CSMD2: variants seen among roughly 807,000 people sequenced by gnomAD.
The protein encoded by CSMD2 is CUB and sushi domain-containing protein 2.
CSMD2 carries 130 observed loss-of-function variants against 398.5 expected under a neutral mutation model. The observed-to-expected ratio is 0.33, with a 90% CI of 0.28 to 0.38. CSMD2 has a LOEUF of 0.38. Ranked by LOEUF, CSMD2 falls within the 10% of genes least tolerant of loss-of-function variation. The probability of loss-of-function intolerance (pLI) is 1.00; values close to 1 mark genes in which losing one functional copy is unlikely to be tolerated. For synonymous variants in CSMD2, 1,828 were observed against 1,908.5 expected (o/e 0.96, Z 1.10); for missense variants, 3,829 against 4,764.9 (o/e 0.80, Z 5.78).
chr1:33,906,384 C>T (rs1236934316), intron 5 of CSMD2, among the ~76,000 whole-genome samples: 7 of 152,288 alleles, frequency 4.6e-5, no homozygotes, highest in Admixed American at 3.9e-4. Context: ...TTAAGCCATT[C>T]TCGTAGCAGT....
At chr1:34,119,220 G>A (rs1301918954) in intron 1 of CSMD2, among the ~76,000 whole-genome samples, 1 of 152,092 alleles carries the variant, frequency 6.6e-6, no homozygotes, top group African/African-American at 2.4e-5. Flanking sequence ...ATATCTACAT[G>A]CAGAAGAATA....
At chr1:33,828,637 T>C (rs1570091) in intron 6 of CSMD2, among the ~76,000 whole-genome samples, 119,474 of 152,068 alleles carry the variant, frequency 0.79, 47,785 homozygotes, top group East Asian at 0.94. Flanking sequence ...GTGAGATATG[T>C]GTGGCCATGA....
intron 6 of CSMD2, among the ~76,000 whole-genome samples, chr1:33,844,259 T>G (rs562023458): frequency 1.3e-5 from 2 of 150,768 alleles, no homozygotes; most frequent in East Asian, 2.0e-4. Flanking sequence ...GTCTGGAGAC[T>G]TTTTTGGTTG....
chr1:33,823,839 C>A (rs1557953728), intron 7 of CSMD2, among the ~76,000 whole-genome samples: 1 of 152,188 alleles, frequency 6.6e-6, no homozygotes, highest in African/African-American at 2.4e-5. Flanking sequence ...CATTTGCATT[C>A]TTTCATTAGA....
Position 33,515,077 on chromosome 1 carries a change from G to A in CSMD2, c.*1547C>T, listed in dbSNP as rs1653651556. ...GAGGACAGAGAAAGTGGCCCTAAATGCTATACTTTGATTCCTAAACTCATG... is the reference window on the plus strand; with the variant it reads ...GAGGACAGAGAAAGTGGCCCTAAATACTATACTTTGATTCCTAAACTCATG... On this transcript the variant is annotated 3_prime_UTR_variant, in exon 71 of 71. Coordinates refer to ENST00000373381, the MANE Select transcript of CSMD2 (RefSeq NM_001281956.2). 1 of 152,218 alleles carries A rather than the reference G, an allele frequency of 6.6e-6. No homozygotes were observed. Among genetic ancestry groups the A allele is most frequent in the Admixed American group, 6.5e-5 (1 of 15,272 alleles). 9.4% of individuals were successfully genotyped at this position (152,218 alleles called of 1,614,324 possible). A position where few individuals can be genotyped will look rare whatever the true frequency, so the allele number is the denominator to read the frequency against.
At chr1:33,625,006 C>A in intron 34 of CSMD2, 45 bp downstream of exon 34, 1 of 1,583,840 alleles carries the variant, frequency 6.3e-7, no homozygotes, top group Non-Finnish European at 8.7e-7. Flanking sequence ...GAAAGGACTA[C>A]GTGCCGCCCC....
chr1:33,665,997 G>A (rs1334371489), intron 25 of CSMD2, among the ~76,000 whole-genome samples: 2 of 152,162 alleles, frequency 1.3e-5, no homozygotes, highest in Non-Finnish European at 2.9e-5. Flanking sequence ...ACCCATGGAT[G>A]ATGACACGCT....
Position 33,588,108 on chromosome 1 carries a change from T to C in CSMD2, c.6857-940A>G, listed in dbSNP as rs113986217. Reference sequence around the variant, plus strand: ...AATTACAGTACGTTCCTGGAGTGTTTATTCTCTGCAAATATAAATATTTTT... The same window carrying C: ...AATTACAGTACGTTCCTGGAGTGTTCATTCTCTGCAAATATAAATATTTTT... On this transcript the variant is annotated intron_variant, in intron 44 of 70. Coordinates refer to ENST00000373381, the MANE Select transcript of CSMD2 (RefSeq NM_001281956.2). Among the ~76,000 whole-genome samples, 92 of 152,356 alleles carry C rather than the reference T, an allele frequency of 6.0e-4. 1 individual carries two copies. The highest frequency in any genetic ancestry group is 2.1e-3 in the African/African-American group (89 of 41,586).
chr1:33,995,833 T>A (rs984036268), intron 3 of CSMD2, among the ~76,000 whole-genome samples: 1 of 152,226 alleles, frequency 6.6e-6, no homozygotes, highest in South Asian at 2.1e-4. Flanking sequence ...CCGGGAGCAG[T>A]GGTTCATCTA....
chr1:33,929,785 C>T (rs536511496), intron 4 of CSMD2, among the ~76,000 whole-genome samples: 27 of 152,120 alleles, frequency 1.8e-4, no homozygotes, highest in Middle Eastern at 3.4e-3. Flanking sequence ...GTTCCTCTAG[C>T]GTGTCCAGTA....
chr1:33,662,522 T>C (rs1644169860), intron 26 of CSMD2, among the ~76,000 whole-genome samples: 1 of 152,222 alleles, frequency 6.6e-6, no homozygotes, highest in African/African-American at 2.4e-5. Context: ...TTCCTTGTCA[T>C]AGATGACTAC....
chr1:33,856,255 T>C (rs1039022996), intron 5 of CSMD2, among the ~76,000 whole-genome samples: 4 of 152,188 alleles, frequency 2.6e-5, no homozygotes, highest in Non-Finnish European at 5.9e-5. Context: ...CTTAGTTTTC[T>C]CCAGGGAAAT....
chr1:34,011,573 CTTTT>C (rs569433572), intron 3 of CSMD2, among the ~76,000 whole-genome samples: 21 of 151,946 alleles, frequency 1.4e-4, no homozygotes, highest in African/African-American at 4.3e-4. Flanking sequence ...TAAGTGTATT[CTTTT>C]TTTTAATTTT....
At chr1:33,830,033 T>A (rs926732675) in intron 6 of CSMD2, among the ~76,000 whole-genome samples, 3 of 152,168 alleles carry the variant, frequency 2.0e-5, no homozygotes, top group South Asian at 2.1e-4. Flanking sequence ...AGTGCACCAC[T>A]GCTCAAGGAG....
At chr1:34,056,444 A>G (rs1653838964) in intron 2 of CSMD2, among the ~76,000 whole-genome samples, 1 of 152,206 alleles carries the variant, frequency 6.6e-6, no homozygotes, top group East Asian at 1.9e-4. Flanking sequence ...AAGGCCTGCA[A>G]TTTAGTATAA....
rs191367752 is a variant in CSMD2, at chr1:33,940,091, T to A, written c.518-4137A>T. ...AGAGCCATGATCTCTTTGAAACTTG[T>A]AGGTGAATCCTTCCTTTTCTCTTCC... On this transcript the variant is annotated intron_variant, in intron 3 of 70. Transcript: ENST00000373381. 5.4e-4 allele frequency among the ~76,000 whole-genome samples: 83 copies of A among 152,320 alleles called. No homozygotes were observed. The South Asian group carries it at 6.0e-3, about 11-fold the overall frequency.
intron 1 of CSMD2, among the ~76,000 whole-genome samples, chr1:34,132,479 T>C (rs1321071555): frequency 2.0e-5 from 3 of 152,210 alleles, no homozygotes; most frequent in African/African-American, 2.4e-5. Context: ...CCTCTGTTCC[T>C]GTGATAGTTA....
chr1:33,568,634 A>G (rs1262694596), intron 52 of CSMD2, among the ~76,000 whole-genome samples: 3 of 152,024 alleles, frequency 2.0e-5, no homozygotes, highest in Non-Finnish European at 4.4e-5. Context: ...CTTGAGTAGC[A>G]CCTAGGTGAA....
intron 5 of CSMD2, among the ~76,000 whole-genome samples, chr1:33,858,411 T>C (rs1639251039): frequency 6.6e-6 from 1 of 152,040 alleles, no homozygotes; most frequent in Non-Finnish European, 1.5e-5. Context: ...GCCAAGGGAG[T>C]TCCTAGACTA....
Sources: allele counts gnomAD v4.1 joint callset (sites outside exome capture counted in the v4.1 genomes callset), GRCh38; gene constraint gnomAD v4.1.1; transcripts MANE v1.5; gene names NCBI Gene and HGNC (gene_info 2026-07-23, HGNC 2026-07-21).